Variants in TNFAIP6 observed in about 807,000 individuals in gnomAD.
TNFAIP6 encodes the protein tumor necrosis factor-inducible gene 6 protein.
TNFAIP6 carries 36 observed loss-of-function variants against 33.7 expected under a neutral mutation model. The ratio of observed to expected loss-of-function variants is 1.07; its 90% CI spans 0.82 to 1.41. The LOEUF is 1.41. Ranked by LOEUF, TNFAIP6 falls within the 40% of genes most tolerant of loss-of-function variation. The probability of loss-of-function intolerance (pLI) is 0.00; values close to 1 mark genes in which losing one functional copy is unlikely to be tolerated. For missense variants in TNFAIP6, 273 were observed against 331.9 expected (o/e 0.82, Z 1.38); for synonymous variants, 113 against 112.8 (o/e 1.00, Z -0.01).
At chr2:151,380,324 T>C (rs924102931), downstream of TNFAIP6, among the ~76,000 whole-genome samples, 2 of 152,196 alleles carry the variant, frequency 1.3e-5, no homozygotes, top group African/African-American at 4.8e-5. Flanking sequence ...TGTCCATGTT[T>C]GTCATATATG....
chr2:151,376,543 T>C (rs1297026876), intron 5 of TNFAIP6, among the ~76,000 whole-genome samples: 1 of 152,174 alleles, frequency 6.6e-6, no homozygotes, highest in Non-Finnish European at 1.5e-5. Context: ...AGGCATTTGA[T>C]AACTCTGTAG....
At chr2:151,366,928 T>G (rs981878308) in intron 3 of TNFAIP6, among the ~76,000 whole-genome samples, 1 of 152,168 alleles carries the variant, frequency 6.6e-6, no homozygotes, top group African/African-American at 2.4e-5. Flanking sequence ...GTCACGTTCT[T>G]GGAGAAAAAG....
At chr2:151,378,525 G>A (rs1684957238) in intron 5 of TNFAIP6, among the ~76,000 whole-genome samples, 1 of 147,650 alleles carries the variant, frequency 6.8e-6, no homozygotes, top group Non-Finnish European at 1.5e-5. Flanking sequence ...TTTTGCTCTT[G>A]TTGCCCAGGC....
rs983556451 is a variant in TNFAIP6 at position 151,380,040 on chromosome 2, G to C, written c.*507G>C. 1 of 151,962 alleles carries C rather than the reference G, an allele frequency of 6.6e-6. No individual in the cohort carries two copies. Among genetic ancestry groups the C allele is most frequent in the Non-Finnish European group, 1.5e-5 (1 of 67,988 alleles). The allele number at this position is 151,962 out of a possible 1,614,324, so 9.4% of individuals were successfully genotyped here. Reference sequence around the variant, plus strand: ...AAATATTGTTGCAATAAATATCCTTGAACACACATATTTGTGCACCTCTCT... The same window carrying C: ...AAATATTGTTGCAATAAATATCCTTCAACACACATATTTGTGCACCTCTCT... On this transcript the variant is annotated 3_prime_UTR_variant, in exon 6 of 6. Transcript: ENST00000243347.
chr2:151,359,203 A>C (rs1383735269), intron 1 of TNFAIP6, among the ~76,000 whole-genome samples: 1 of 152,164 alleles, frequency 6.6e-6, no homozygotes, highest in Admixed American at 6.5e-5. Flanking sequence ...CCTAGCACAG[A>C]TGTTTATAGT....
intron 5 of TNFAIP6, among the ~76,000 whole-genome samples, chr2:151,377,459 G>A (rs1398106747): frequency 3.5e-5 from 5 of 144,530 alleles, no homozygotes; most frequent in Non-Finnish European, 7.5e-5. Flanking sequence ...GTGAGCCACC[G>A]TGCCCGGCCA....
At chr2:151,361,719 G>A (rs889760982) in intron 1 of TNFAIP6, among the ~76,000 whole-genome samples, 5 of 152,072 alleles carry the variant, frequency 3.3e-5, no homozygotes, top group African/African-American at 4.8e-5. Context: ...AATACCCCGT[G>A]GTATGATGTT....
chr2:151,370,917 A>T (rs1184148472), intron 4 of TNFAIP6, among the ~76,000 whole-genome samples: 1 of 152,102 alleles, frequency 6.6e-6, no homozygotes, highest in Non-Finnish European at 1.5e-5. Flanking sequence ...CTAAAAATAC[A>T]AAAATTAGCC....
chr2:151,376,687 G>A (rs548926025), intron 5 of TNFAIP6, among the ~76,000 whole-genome samples: 1 of 151,936 alleles, frequency 6.6e-6, no homozygotes, highest in South Asian at 2.1e-4. Flanking sequence ...GTCACTGTAT[G>A]GATATACTGT....
At chr2:151,371,656 A>G (rs1444289793) in intron 4 of TNFAIP6, among the ~76,000 whole-genome samples, 2 of 150,442 alleles carry the variant, frequency 1.3e-5, no homozygotes, top group Non-Finnish European at 2.9e-5. Flanking sequence ...GTGCAGTGGC[A>G]CAATCTCGGC....
intron 1 of TNFAIP6, among the ~76,000 whole-genome samples, chr2:151,358,278 A>G (rs1684568262): frequency 6.6e-6 from 1 of 152,208 alleles, no homozygotes; most frequent in South Asian, 2.1e-4. Context: ...AAAAAGTGAA[A>G]AATGTTTCTC....
chr2:151,372,784 G>C (rs571394793), intron 4 of TNFAIP6, among the ~76,000 whole-genome samples: 1 of 152,180 alleles, frequency 6.6e-6, no homozygotes, highest in Admixed American at 6.5e-5. Flanking sequence ...GTAGGGTGTG[G>C]TGGCACATAC....
intron 5 of TNFAIP6, among the ~76,000 whole-genome samples, chr2:151,378,970 C>T (rs1684968572): frequency 6.6e-6 from 1 of 151,886 alleles, no homozygotes; most frequent in Non-Finnish European, 1.5e-5. Flanking sequence ...TGTGGTGGTG[C>T]GTGCCTTTAA....
Position 151,366,102 on chromosome 2 carries a change from A to G in TNFAIP6, c.279A>G (p.Gly93=). The change falls in exon 3 of 6, where the codon GGA becomes GGG. Residue 93 remains glycine (G), a synonymous_variant. Transcript: ENST00000243347. ...AAGWMAKGRV[G]YPIVKPGPNC... ...GATGGATGGCTAAGGGCAGAGTTGG[A>G]TACCCCATTGTGAAGCCAGGGCCCA... The G allele has an allele frequency of 6.2e-7, 1 of 1,614,156 alleles. No individual in the cohort carries two copies. Among genetic ancestry groups the G allele is most frequent in the Non-Finnish European group, 8.5e-7 (1 of 1,180,024 alleles).
chr2:151,359,538 G>A (rs1191284090), intron 1 of TNFAIP6, among the ~76,000 whole-genome samples: 6 of 151,946 alleles, frequency 3.9e-5, no homozygotes, highest in African/African-American at 1.2e-4. Flanking sequence ...ACAGGCACCC[G>A]CCACCACGCC....
intron 1 of TNFAIP6, among the ~76,000 whole-genome samples, chr2:151,358,915 A>G (rs1033590002): frequency 3.3e-5 from 5 of 152,192 alleles, no homozygotes; most frequent in African/African-American, 4.8e-5. Context: ...AAATACACTC[A>G]TATTTGTCAG....
chr2:151,380,633 G>T (rs1368060944), downstream of TNFAIP6, among the ~76,000 whole-genome samples: 1 of 152,140 alleles, frequency 6.6e-6, no homozygotes, highest in Non-Finnish European at 1.5e-5. Flanking sequence ...AGCAGAAACA[G>T]AAAACAAAAA....
At chr2:151,378,311 A>G (rs902698817) in intron 5 of TNFAIP6, among the ~76,000 whole-genome samples, 1 of 152,142 alleles carries the variant, frequency 6.6e-6, no homozygotes, top group African/African-American at 2.4e-5. Flanking sequence ...TGGTCTTTAT[A>G]TTACGGTAAA....
At chr2:151,359,863 T>C (rs1166285562) in intron 1 of TNFAIP6, among the ~76,000 whole-genome samples, 1 of 152,186 alleles carries the variant, frequency 6.6e-6, no homozygotes, top group Non-Finnish European at 1.5e-5. Context: ...TTAACTCTGG[T>C]ATCATCTAAT....
Sources: gnomAD v4.1 joint callset for allele counts (sites outside exome capture counted in the v4.1 genomes callset) on GRCh38, gnomAD v4.1.1 for gene constraint, MANE v1.5 for transcripts, NCBI Gene and HGNC (gene_info 2026-07-23, HGNC 2026-07-21) for gene names.